The following PABPC4L variants were observed in gnomAD, a reference collection of about 807,000 sequenced individuals.
The protein encoded by PABPC4L is poly(A) binding protein cytoplasmic 4 like.
For synonymous variants in PABPC4L, 169 were observed against 164.1 expected, an observed-to-expected ratio of 1.03 and a Z score of -0.23; for missense variants, 452 against 451.4, an observed-to-expected ratio of 1.00 and a Z score of -0.01.
chr4:134,160,845 A>G, the PABPC4L span, among the ~76,000 whole-genome samples: 7 of 152,064 alleles, frequency 4.6e-5, no homozygotes, highest in Admixed American at 1.3e-4. Context: ...GTAAAATTTA[A>G]AAGAAAAAAG....
At chr4:133,989,314 C>G in the PABPC4L span, among the ~76,000 whole-genome samples, 1 of 152,140 alleles carries the variant, frequency 6.6e-6, no homozygotes, top group Non-Finnish European at 1.5e-5. Flanking sequence ...CTTTTATGCT[C>G]TGTTTCATCT....
the PABPC4L span, among the ~76,000 whole-genome samples, chr4:133,991,157 T>A: frequency 6.6e-6 from 1 of 152,160 alleles, no homozygotes; most frequent in Non-Finnish European, 1.5e-5. Flanking sequence ...TAATCAGCAA[T>A]ATTCTTTTCC....
the PABPC4L span, among the ~76,000 whole-genome samples, chr4:134,148,473 TC>T: frequency 6.6e-5 from 10 of 152,124 alleles, no homozygotes; most frequent in Non-Finnish European, 1.2e-4. Flanking sequence ...TTTATATCCA[TC>T]TTTTACTGCT....
chr4:134,178,227 C>A, the PABPC4L span, among the ~76,000 whole-genome samples: 2 of 152,128 alleles, frequency 1.3e-5, no homozygotes, highest in South Asian at 4.2e-4. Context: ...AGCAGAACAC[C>A]CCACATAAGA....
At chr4:134,101,183 T>C in the PABPC4L span, among the ~76,000 whole-genome samples, 2 of 151,508 alleles carry the variant, frequency 1.3e-5, no homozygotes, top group African/African-American at 4.8e-5. Flanking sequence ...AATATATTTT[T>C]GTATTAAAAG....
the PABPC4L span, among the ~76,000 whole-genome samples, chr4:134,178,904 A>G: frequency 1.1e-4 from 16 of 152,260 alleles, no homozygotes; most frequent in Middle Eastern, 3.4e-3. Context: ...TTATGTAAAA[A>G]CACCAAATTT....
At chr4:134,093,913 A>T in the PABPC4L span, among the ~76,000 whole-genome samples, 1 of 151,456 alleles carries the variant, frequency 6.6e-6, no homozygotes, top group African/African-American at 2.4e-5. Flanking sequence ...ACATTTTACA[A>T]TATAATGTGT....
At chr4:133,991,056 G>A in the PABPC4L span, among the ~76,000 whole-genome samples, 2 of 152,106 alleles carry the variant, frequency 1.3e-5, no homozygotes, top group African/African-American at 4.8e-5. Flanking sequence ...ACAGATGTGT[G>A]CAGCAACAGG....
At chr4:133,966,679 CTA>C in the PABPC4L span, among the ~76,000 whole-genome samples, 5 of 152,138 alleles carry the variant, frequency 3.3e-5, no homozygotes, top group Non-Finnish European at 4.4e-5. Context: ...AGACTGGAGA[CTA>C]TTATTCTAAG....
chr4:134,089,731 A>G, the PABPC4L span, among the ~76,000 whole-genome samples: 1 of 151,946 alleles, frequency 6.6e-6, no homozygotes, highest in Admixed American at 6.6e-5. Context: ...AAAATCCCTC[A>G]TATCAGGAAG....
the PABPC4L span, among the ~76,000 whole-genome samples, chr4:134,173,506 A>G: frequency 2.6e-5 from 4 of 152,098 alleles, no homozygotes; most frequent in African/African-American, 9.7e-5. Flanking sequence ...GAAATAAAAA[A>G]TACTGAACTC....
At chr4:134,191,574 A>T (rs2126193343), downstream of PABPC4L, among the ~76,000 whole-genome samples, 1 of 152,296 alleles carries the variant, frequency 6.6e-6, no homozygotes, top group Non-Finnish European at 1.5e-5. Context: ...TAGAAGTTAA[A>T]AACAAACTCC....
At chr4:134,043,300 T>G in the PABPC4L span, among the ~76,000 whole-genome samples, 1 of 152,200 alleles carries the variant, frequency 6.6e-6, no homozygotes, top group African/African-American at 2.4e-5. Context: ...AAAAGTAAAC[T>G]ATATGAGGAC....
At chr4:134,019,637 T>C in the PABPC4L span, among the ~76,000 whole-genome samples, 1 of 152,164 alleles carries the variant, frequency 6.6e-6, no homozygotes, top group Non-Finnish European at 1.5e-5. Context: ...TTAAAGATGA[T>C]GTGAAAAATG....
At chr4:134,152,903 T>A in the PABPC4L span, among the ~76,000 whole-genome samples, 1 of 152,092 alleles carries the variant, frequency 6.6e-6, no homozygotes, top group African/African-American at 2.4e-5. Context: ...AGGCAGTGTG[T>A]GCAGAGATCA....
At chr4:133,986,424 G>A in the PABPC4L span, among the ~76,000 whole-genome samples, 1 of 151,698 alleles carries the variant, frequency 6.6e-6, no homozygotes, top group African/African-American at 2.4e-5. Context: ...GCACTATTTT[G>A]GAATTCAGGA....
chr4:134,009,753 A>G, the PABPC4L span, among the ~76,000 whole-genome samples: 1 of 152,006 alleles, frequency 6.6e-6, no homozygotes, highest in South Asian at 2.1e-4. Flanking sequence ...GCTATGTTGA[A>G]TTGTGCAAAA....
At chr4:134,046,791 C>A in the PABPC4L span, among the ~76,000 whole-genome samples, 1 of 152,234 alleles carries the variant, frequency 6.6e-6, no homozygotes, top group African/African-American at 2.4e-5. Flanking sequence ...GCACATCCTG[C>A]ACAGCCCTAG....
At chr4:134,118,681 G>A in the PABPC4L span, among the ~76,000 whole-genome samples, 3 of 151,266 alleles carry the variant, frequency 2.0e-5, no homozygotes, top group South Asian at 4.2e-4. Flanking sequence ...TTATTTGTTG[G>A]CATTAGATTT....
Sources: gnomAD v4.1 joint callset for allele counts (sites outside exome capture counted in the v4.1 genomes callset) on GRCh38, gnomAD v4.1.1 for gene constraint, MANE v1.5 for transcripts, NCBI Gene and HGNC (gene_info 2026-07-23, HGNC 2026-07-21) for gene names.